The following LRRTM3 variants were observed in gnomAD, a reference collection of about 807,000 sequenced individuals.
LRRTM3 encodes leucine rich repeat transmembrane neuronal 3.
A neutral mutation model predicts 44.7 loss-of-function variants in LRRTM3; 24 were observed. The observed-to-expected ratio is 0.54, with a 90% CI of 0.39 to 0.76. The LOEUF (loss-of-function observed/expected upper bound fraction) is 0.76. Among genes scored for constraint, LRRTM3 ranks in the 30% least tolerant of loss-of-function variants. The pLI is 0.00. For missense variants in LRRTM3, 587 were observed against 702.2 expected (o/e 0.84, Z 1.85); for synonymous variants, 277 against 278.7 (o/e 0.99, Z 0.06).
At chr10:66,932,020 A>G (rs796241475) in intron 2 of LRRTM3, among the ~76,000 whole-genome samples, 5 of 152,278 alleles carry the variant, frequency 3.3e-5, no homozygotes, top group African/African-American at 1.2e-4. Context: ...AAAGGTGTCA[A>G]AGGAGGGGGG....
At chr10:67,012,490 T>C (rs1399956048) in intron 2 of LRRTM3, 1 of 152,240 alleles carries the variant, frequency 6.6e-6, no homozygotes, top group Non-Finnish European at 1.5e-5. Flanking sequence ...GATTTTAGAA[T>C]GATGAAAACC....
chr10:67,038,441 T>C (rs1001025219), intron 2 of LRRTM3, among the ~76,000 whole-genome samples: 1 of 152,068 alleles, frequency 6.6e-6, no homozygotes, highest in Non-Finnish European at 1.5e-5. Context: ...TGAAAATATA[T>C]GTCCATTAAT....
At chr10:67,080,575 A>G (rs1175536283) in intron 2 of LRRTM3, among the ~76,000 whole-genome samples, 1 of 152,158 alleles carries the variant, frequency 6.6e-6, no homozygotes, top group Non-Finnish European at 1.5e-5. Context: ...GGATTTATTC[A>G]ATAGGCATCA....
intron 2 of LRRTM3, among the ~76,000 whole-genome samples, chr10:66,998,437 C>A (rs929797649): frequency 6.6e-6 from 1 of 151,928 alleles, no homozygotes; most frequent in Non-Finnish European, 1.5e-5. Flanking sequence ...CCAATAAATA[C>A]AAAGGGACTA....
intron 2 of LRRTM3, among the ~76,000 whole-genome samples, chr10:67,065,297 C>A (rs1856009815): frequency 2.0e-5 from 3 of 151,926 alleles, no homozygotes; most frequent in African/African-American, 7.3e-5. Flanking sequence ...ATTTAAAAAC[C>A]AAGGTTAATA....
chr10:67,007,876 C>G (rs1274654797), intron 2 of LRRTM3, among the ~76,000 whole-genome samples: 1 of 151,694 alleles, frequency 6.6e-6, no homozygotes, highest in Non-Finnish European at 1.5e-5. Context: ...AAAATATATA[C>G]AAAGGAAGCT....
intron 2 of LRRTM3, among the ~76,000 whole-genome samples, chr10:66,950,070 T>C (rs1379736962): frequency 6.6e-6 from 1 of 152,190 alleles, no homozygotes; most frequent in African/African-American, 2.4e-5. Flanking sequence ...AAAACCATGA[T>C]TTACCACTCT....
At chr10:67,075,050 C>T (rs2619655) in intron 2 of LRRTM3, among the ~76,000 whole-genome samples, 96,553 of 151,720 alleles carry the variant, frequency 0.64, 32,408 homozygotes, top group African/African-American at 0.86. Context: ...CAGCTTCTAA[C>T]AGTAAGTTTG....
At chr10:66,937,728 G>A (rs931817744) in intron 2 of LRRTM3, among the ~76,000 whole-genome samples, 1 of 152,064 alleles carries the variant, frequency 6.6e-6, no homozygotes, top group Admixed American at 6.6e-5. Context: ...TCTCAAAGTA[G>A]CCCATGCTTC....
intron 2 of LRRTM3, among the ~76,000 whole-genome samples, chr10:66,996,057 A>G (rs1423809113): frequency 6.6e-6 from 1 of 152,132 alleles, no homozygotes; most frequent in East Asian, 1.9e-4. Context: ...TTATTTACAT[A>G]TTTTGTAATA....
chr10:66,926,303 T>A lies in LRRTM3; in HGVS notation c.-281T>A. 2 of 439,130 alleles carry A rather than the reference T, an allele frequency of 4.6e-6. No homozygotes were observed. Among genetic ancestry groups the A allele is most frequent in the East Asian group, 9.8e-5 (2 of 20,390 alleles). The allele number at this position is 439,130 out of a possible 1,614,324, so 27.2% of individuals were successfully genotyped here. On this transcript the variant is annotated 5_prime_UTR_variant, in exon 1 of 3. Transcript: ENST00000361320. ...CCCCTCCCCACCCCCCAAAAAACTG[T>A]AAAGATGCAAAAACGTAATATCCAT...
intron 2 of LRRTM3, among the ~76,000 whole-genome samples, chr10:67,083,990 C>T (rs904285352): frequency 2.6e-5 from 4 of 152,088 alleles, no homozygotes; most frequent in Non-Finnish European, 5.9e-5. Context: ...ATAATGGTTT[C>T]CAAGGTCAAT....
intron 2 of LRRTM3, among the ~76,000 whole-genome samples, chr10:67,075,934 T>C (rs1856724379): frequency 6.6e-6 from 1 of 152,256 alleles, no homozygotes; most frequent in African/African-American, 2.4e-5. Flanking sequence ...GATGGTATTT[T>C]ACATCTGCAC....
chr10:67,010,739 C>A (rs1224734432), intron 2 of LRRTM3, among the ~76,000 whole-genome samples: 1 of 152,164 alleles, frequency 6.6e-6, no homozygotes, highest in African/African-American at 2.4e-5. Flanking sequence ...CTCAGCCAAC[C>A]AACAATGTTT....
chr10:66,968,026 G>C (rs535729788), intron 2 of LRRTM3, among the ~76,000 whole-genome samples: 2 of 151,974 alleles, frequency 1.3e-5, no homozygotes, highest in African/African-American at 2.4e-5. Context: ...TATACTAAAA[G>C]AAAAGAAATT....
chr10:67,075,386 C>A (rs566832030), intron 2 of LRRTM3, among the ~76,000 whole-genome samples: 1 of 152,044 alleles, frequency 6.6e-6, no homozygotes, highest in African/African-American at 2.4e-5. Context: ...GAGAGAGATG[C>A]CAGTTTTACT....
chr10:67,034,754 C>T (rs1354136612), intron 2 of LRRTM3, among the ~76,000 whole-genome samples: 1 of 152,136 alleles, frequency 6.6e-6, no homozygotes, highest in Non-Finnish European at 1.5e-5. Flanking sequence ...ATAAGTAAAT[C>T]TCTTTCATGT....
At chr10:66,938,325 C>T (rs1319626532) in intron 2 of LRRTM3, among the ~76,000 whole-genome samples, 1 of 151,992 alleles carries the variant, frequency 6.6e-6, no homozygotes, top group East Asian at 1.9e-4. Context: ...TATTTTACTC[C>T]CCCAGAACTA....
intron 2 of LRRTM3, among the ~76,000 whole-genome samples, chr10:66,966,182 A>G (rs889003670): frequency 3.2e-4 from 48 of 152,194 alleles, no homozygotes; most frequent in African/African-American, 1.1e-3. Context: ...TAAATGTTAC[A>G]TATTTTAACC....
Sources: gnomAD v4.1 joint callset for allele counts (sites outside exome capture counted in the v4.1 genomes callset) on GRCh38, gnomAD v4.1.1 for gene constraint, MANE v1.5 for transcripts, NCBI Gene and HGNC (gene_info 2026-07-23, HGNC 2026-07-21) for gene names.